KCNJ12: variants seen among roughly 807,000 people sequenced by gnomAD.
The protein encoded by KCNJ12 is potassium inwardly rectifying channel subfamily J member 12.
KCNJ12 carries 2 observed loss-of-function variants against 22.3 expected under a neutral mutation model. The observed-to-expected ratio is 0.09, with a 90% CI of 0.04 to 0.28. The LOEUF is 0.28. Among genes scored for constraint, KCNJ12 ranks in the 10% least tolerant of loss-of-function variants. The pLI, the probability that KCNJ12 is intolerant of heterozygous loss-of-function variation, is 1.00. For missense variants in KCNJ12, 155 were observed against 633.3 expected, an observed-to-expected ratio of 0.24 and a Z score of 8.11; for synonymous variants, 117 against 261.4, an observed-to-expected ratio of 0.45 and a Z score of 5.33.
At chr17:21,411,325 G>A (rs548279538) in intron 2 of KCNJ12, among the ~76,000 whole-genome samples, 4 of 152,422 alleles carry the variant, frequency 2.6e-5, no homozygotes, top group Admixed American at 6.5e-5. Context: ...TGGACTGGTC[G>A]CTGGGAGGCT....
chr17:21,402,734 G>T (rs1597570833), intron 1 of KCNJ12, among the ~76,000 whole-genome samples: 1 of 152,310 alleles, frequency 6.6e-6, no homozygotes, highest in Admixed American at 6.5e-5. Context: ...CCTACAGAGA[G>T]CAGACAGGTT....
chr17:21,402,548 G>A (rs1905683314), intron 1 of KCNJ12, among the ~76,000 whole-genome samples: 1 of 152,306 alleles, frequency 6.6e-6, no homozygotes, highest in Non-Finnish European at 1.5e-5. Context: ...TTTCTGGAAG[G>A]CCTACCCTAT....
At chr17:21,415,236 A>T in intron 2 of KCNJ12, 51 bp from the exon 3 acceptor site, 1 of 1,513,500 alleles carries the variant, frequency 6.6e-7, no homozygotes, top group Non-Finnish European at 8.9e-7. Context: ...ATGGGGGTAG[A>T]GGAGCCCGGA....
rs73310141 is a variant in KCNJ12, at chr17:21,401,575, G to C, written c.-178-6944G>C. On this transcript the variant is annotated intron_variant, in intron 1 of 2. Coordinates refer to ENST00000583088, the MANE Select transcript of KCNJ12 (RefSeq NM_021012.5). ...AGACGCCCTGTTCCCAAGCTATGGG[G>C]CCTCTCATTTGACAAATGGGGAAAC... is the stretch of plus-strand genomic sequence containing the variant. Among the ~76,000 whole-genome samples the C allele has an allele frequency of 1.8e-4, 28 of 151,684 alleles. 1 individual carries two copies. In the East Asian group the frequency reaches 4.9e-3, roughly 27 times the overall value.
chr17:21,377,945 C>A (rs1287231021), intron 1 of KCNJ12, among the ~76,000 whole-genome samples: 2 of 152,172 alleles, frequency 1.3e-5, no homozygotes, highest in Non-Finnish European at 2.9e-5. Context: ...TTTTTTGCTC[C>A]CCTATACCCA....
intron 1 of KCNJ12, among the ~76,000 whole-genome samples, chr17:21,393,472 T>C (rs1460904706): frequency 6.6e-6 from 1 of 152,148 alleles, no homozygotes; most frequent in Non-Finnish European, 1.5e-5. Context: ...CTCTGGTATG[T>C]CTCCACTCTT....
intron 1 of KCNJ12, among the ~76,000 whole-genome samples, chr17:21,406,644 G>A (rs2142067881): frequency 6.6e-6 from 1 of 152,424 alleles, no homozygotes; most frequent in East Asian, 1.9e-4. Flanking sequence ...ACTCACTCAA[G>A]GTCACACAGC....
intron 2 of KCNJ12, among the ~76,000 whole-genome samples, chr17:21,410,708 T>A (rs1906280241): frequency 6.6e-6 from 1 of 152,284 alleles, no homozygotes; most frequent in African/African-American, 2.4e-5. Flanking sequence ...ACGCACACAG[T>A]CAGGCCTCAG....
At chr17:21,383,056 G>C (rs1904933255) in intron 1 of KCNJ12, among the ~76,000 whole-genome samples, 1 of 152,204 alleles carries the variant, frequency 6.6e-6, no homozygotes, top group Non-Finnish European at 1.5e-5. Context: ...GGCAGCTTTT[G>C]GGGACTTGGC....
intron 1 of KCNJ12, among the ~76,000 whole-genome samples, chr17:21,399,187 C>G (rs1555560213): frequency 6.6e-6 from 1 of 152,212 alleles, no homozygotes; most frequent in Non-Finnish European, 1.5e-5. Context: ...TGGCCTTGCA[C>G]CCCAGCGACT....
chr17:21,411,620 G>A (rs1454209287), intron 2 of KCNJ12, among the ~76,000 whole-genome samples: 2 of 152,430 alleles, frequency 1.3e-5, no homozygotes, highest in East Asian at 3.8e-4. Flanking sequence ...TGTGACCTGG[G>A]ACAAGTCTCT....
At position 21,376,413 on chromosome 17, in the gene KCNJ12, C is replaced by G. The variant is rs1179960785; in HGVS notation, c.-679C>G. 6.6e-6 allele frequency: 1 copy of G among 151,844 alleles called. No individual in the cohort carries two copies. The highest frequency in any genetic ancestry group is 1.5e-5 in the Non-Finnish European group (1 of 67,964). 9.4% of individuals were successfully genotyped at this position (151,844 alleles called of 1,614,324 possible). Reference sequence around the variant, plus strand: ...GCGCGGAGCTGGGTGCGCGCCGAGCCTCTGCCTCCCGCCGCCTCCTCGCCC... The same window carrying G: ...GCGCGGAGCTGGGTGCGCGCCGAGCGTCTGCCTCCCGCCGCCTCCTCGCCC... On this transcript the variant is annotated 5_prime_UTR_variant, in exon 1 of 3. Coordinates refer to ENST00000583088, the MANE Select transcript of KCNJ12 (RefSeq NM_021012.5). This position sits in a 1 kb window ranked among gnomAD's most constrained non-coding sequence, Gnocchi z 5.3.
intron 1 of KCNJ12, among the ~76,000 whole-genome samples, chr17:21,380,323 C>G (rs1161571885): frequency 3.3e-5 from 5 of 152,164 alleles, no homozygotes; most frequent in Non-Finnish European, 5.9e-5. Flanking sequence ...GCTGGAGACC[C>G]CAGGCCCTGT....
At chr17:21,381,754 A>G (rs990630307) in intron 1 of KCNJ12, among the ~76,000 whole-genome samples, 2 of 152,078 alleles carry the variant, frequency 1.3e-5, no homozygotes, top group Admixed American at 6.6e-5. Context: ...CTGCCACAAT[A>G]TATTTTATTT....
chr17:21,408,462 C>G (rs1179719523), intron 1 of KCNJ12, 57 bp from the exon 2 acceptor site: 1 of 152,552 alleles, frequency 6.6e-6, no homozygotes, highest in Non-Finnish European at 1.5e-5. Context: ...ACTTGTGAGC[C>G]CCTCTGAGAA....
Position 21,393,725 on chromosome 17 carries a change from T to C in KCNJ12, c.-178-14794T>C, listed in dbSNP as rs1905264748. On this transcript the variant is annotated intron_variant, in intron 1 of 2. Transcript: ENST00000583088. The stretch of plus-strand genomic sequence containing the variant: ...GTCCCCTCATGGCCCGCTTTACAGA[T>C]GAAACCACAGGGGCCTGGAAGGCAC... Among the ~76,000 whole-genome samples the C allele has an allele frequency of 2.6e-5, 4 of 152,218 alleles. 1 individual carries two copies. The South Asian group carries it at 8.3e-4, about 32-fold the overall frequency.
intron 1 of KCNJ12, among the ~76,000 whole-genome samples, chr17:21,385,217 A>G (rs1450280755): frequency 1.3e-5 from 2 of 152,162 alleles, no homozygotes; most frequent in African/African-American, 4.8e-5. Context: ...AGGATCTGCT[A>G]CACTGATTGG....
intron 1 of KCNJ12, among the ~76,000 whole-genome samples, chr17:21,404,805 A>C (rs1418611120): frequency 1.3e-5 from 2 of 152,226 alleles, no homozygotes; most frequent in African/African-American, 4.8e-5. Flanking sequence ...CAAGATAGAA[A>C]TACCGTCAGA....
intron 1 of KCNJ12, among the ~76,000 whole-genome samples, chr17:21,404,682 C>T (rs1317199254): frequency 2.6e-5 from 4 of 152,240 alleles, no homozygotes; most frequent in African/African-American, 9.6e-5. Context: ...GCGATGGCCA[C>T]CCCAGCAGAG....
Sources: gnomAD v4.1 joint callset for allele counts (sites outside exome capture counted in the v4.1 genomes callset) on GRCh38, gnomAD v4.1.1 for gene constraint, Gnocchi (gnomAD v3.1) non-coding constraint, MANE v1.5 for transcripts, NCBI Gene and HGNC (gene_info 2026-07-23, HGNC 2026-07-21) for gene names.